HECTD2: variants seen among roughly 807,000 people sequenced by gnomAD.
HECTD2 encodes probable E3 ubiquitin-protein ligase HECTD2.
Under a neutral mutation model 103.2 loss-of-function variants are expected in HECTD2, and 35 were observed. The ratio of observed to expected loss-of-function variants is 0.34; its 90% CI spans 0.26 to 0.45. The LOEUF is 0.45. Ranked by LOEUF, HECTD2 falls within the 20% of genes least tolerant of loss-of-function variation. HECTD2 has a pLI of 1.00. For synonymous variants in HECTD2, 281 were observed against 329.9 expected, an observed-to-expected ratio of 0.85 and a Z score of 1.61; for missense variants, 596 against 937.4, an observed-to-expected ratio of 0.64 and a Z score of 4.76.
At chr10:91,470,389 C>G (rs1002141395) in intron 5 of HECTD2, among the ~76,000 whole-genome samples, 7 of 152,238 alleles carry the variant, frequency 4.6e-5, no homozygotes, top group Admixed American at 1.3e-4. Context: ...GAAATCCATA[C>G]TGAGAAAACC....
At chr10:91,480,441 T>A (rs1269795473) in intron 6 of HECTD2, among the ~76,000 whole-genome samples, 2 of 152,062 alleles carry the variant, frequency 1.3e-5, no homozygotes, top group African/African-American at 4.8e-5. Context: ...ATGAATTGCA[T>A]CTGGTTGTCA....
chr10:91,499,508 G>C (rs57988119), intron 18 of HECTD2, among the ~76,000 whole-genome samples: 30,420 of 152,092 alleles, frequency 0.2, 7,257 homozygotes, highest in African/African-American at 0.58. Context: ...ACTTCTTAAT[G>C]ATTAAGGAAC....
chr10:91,511,452 G>C (rs1233860289), intron 20 of HECTD2, among the ~76,000 whole-genome samples: 1 of 152,132 alleles, frequency 6.6e-6, no homozygotes, highest in Non-Finnish European at 1.5e-5. Flanking sequence ...GCTGCTAGAT[G>C]TTTTGTGTAT....
intron 1 of HECTD2, among the ~76,000 whole-genome samples, chr10:91,411,428 A>G (rs1038584433): frequency 1.1e-4 from 17 of 152,324 alleles, no homozygotes; most frequent in African/African-American, 3.8e-4. Flanking sequence ...GTTTGCTTTG[A>G]TATATTTAAA....
At chr10:91,480,286 G>A (rs992116600) in intron 6 of HECTD2, among the ~76,000 whole-genome samples, 11 of 152,090 alleles carry the variant, frequency 7.2e-5, no homozygotes, top group African/African-American at 2.7e-4. Flanking sequence ...AAAGCTCTAG[G>A]TAGGATAGGA....
chr10:91,507,163 A>G (rs1212132320), intron 20 of HECTD2, among the ~76,000 whole-genome samples: 3 of 151,364 alleles, frequency 2.0e-5, no homozygotes, highest in Non-Finnish European at 3.0e-5. Context: ...CCCACAGCCA[A>G]TATCATACTG....
chr10:91,498,035 A>G, intron 15 of HECTD2, 73 bp from the exon 16 acceptor site: 2 of 975,142 alleles, frequency 2.1e-6, no homozygotes, highest in Non-Finnish European at 3.3e-6. Context: ...TGCATGAGCT[A>G]TAGAAAAGCC....
At position 91,492,550 on chromosome 10, in the gene HECTD2, C is replaced by T. The variant is rs1846519640; in HGVS notation, c.1432+66C>T. The T allele has an allele frequency of 6.6e-6, 8 of 1,213,322 alleles. No homozygotes were observed. In the South Asian group the frequency reaches 1.1e-4, roughly 16 times the overall value. The allele number at this position is 1,213,322 out of a possible 1,614,324, so 75.2% of individuals were successfully genotyped here. Reference sequence around the variant, plus strand: ...TAATTGTTAGAGTGAAGTAGTCACCCTTATTTTTAACCTATTCTGTGATTT... The same window carrying T: ...TAATTGTTAGAGTGAAGTAGTCACCTTTATTTTTAACCTATTCTGTGATTT... On this transcript the variant is annotated intron_variant, in intron 13 of 20. Coordinates refer to ENST00000298068, the MANE Select transcript of HECTD2 (RefSeq NM_182765.6).
At chr10:91,507,075 C>T (rs544240466) in intron 20 of HECTD2, among the ~76,000 whole-genome samples, 25 of 152,216 alleles carry the variant, frequency 1.6e-4, no homozygotes, top group African/African-American at 3.9e-4. Flanking sequence ...AATTCAACAA[C>T]GCTTCATGCT....
chr10:91,443,603 A>G (rs1355396256), intron 2 of HECTD2, among the ~76,000 whole-genome samples: 3 of 152,282 alleles, frequency 2.0e-5, no homozygotes, highest in Admixed American at 2.0e-4. Context: ...GCAGAGCTTG[A>G]GCGCTGTGCT....
At position 91,462,109 on chromosome 10, in the gene HECTD2, C is replaced by A; in HGVS notation, c.525C>A (p.Ala175=). The change falls in exon 5 of 21, where the codon GCC becomes GCA. Residue 175 remains alanine (A), a synonymous_variant. Transcript: ENST00000298068. ...LNAAFKKDAT[A]SFNTIEDSGI... is the part of the protein sequence containing the mutation. ...TGAATTTGCAGAAAGATGCCACTGC[C>A]TCATTTAACACCATTGAAGACTCTG... The A allele has an allele frequency of 6.3e-7, 1 of 1,590,674 alleles. No homozygotes were observed. The highest frequency in any genetic ancestry group is 8.6e-7 in the Non-Finnish European group (1 of 1,162,700).
At chr10:91,497,484 G>A (rs7100786) in intron 15 of HECTD2, among the ~76,000 whole-genome samples, 3 of 111,442 alleles carry the variant, frequency 2.7e-5, no homozygotes, top group Non-Finnish European at 5.4e-5. Flanking sequence ...TTTTTTTTTG[G>A]ATTTTTAGTA....
intron 6 of HECTD2, among the ~76,000 whole-genome samples, chr10:91,480,679 C>T (rs1846059485): frequency 6.6e-6 from 1 of 152,024 alleles, no homozygotes; most frequent in Non-Finnish European, 1.5e-5. Flanking sequence ...ATTTGATTTA[C>T]AGACATTTCT....
intron 1 of HECTD2, among the ~76,000 whole-genome samples, chr10:91,421,201 A>G (rs1343838299): frequency 6.6e-6 from 1 of 151,786 alleles, no homozygotes; most frequent in African/African-American, 2.4e-5. Flanking sequence ...ATAGTTGCCC[A>G]TTTCCGTTAG....
intron 5 of HECTD2, chr10:91,462,760 AG>A: frequency 1.0e-6 from 1 of 985,704 alleles, no homozygotes; most frequent in Non-Finnish European, 1.2e-6. Flanking sequence ...TTAGCTATGA[AG>A]TGAAAGACAT....
intron 1 of HECTD2, among the ~76,000 whole-genome samples, chr10:91,419,146 G>A (rs2132996767): frequency 6.6e-6 from 1 of 152,170 alleles, no homozygotes; most frequent in Non-Finnish European, 1.5e-5. Context: ...GATCTTGTAA[G>A]GCAACTTTTG....
intron 2 of HECTD2, among the ~76,000 whole-genome samples, chr10:91,433,647 A>G (rs1281206668): frequency 6.6e-6 from 1 of 151,992 alleles, no homozygotes; most frequent in Middle Eastern, 3.2e-3. Flanking sequence ...GCCACAATGA[A>G]TGACTCTGTA....
intron 2 of HECTD2, among the ~76,000 whole-genome samples, chr10:91,452,941 A>G (rs1302186563): frequency 1.3e-5 from 2 of 152,134 alleles, no homozygotes; most frequent in African/African-American, 4.8e-5. Flanking sequence ...CTAAAAGAAT[A>G]AAGGAGTTCT....
intron 20 of HECTD2, 91 bp downstream of exon 20, chr10:91,501,425 G>C: frequency 1.4e-6 from 1 of 715,382 alleles, no homozygotes. Flanking sequence ...TGTGTACTCC[G>C]TTTGAAGTTA....
Sources: gnomAD v4.1 joint callset for allele counts (sites outside exome capture counted in the v4.1 genomes callset) on GRCh38, gnomAD v4.1.1 for gene constraint, MANE v1.5 for transcripts, NCBI Gene and HGNC (gene_info 2026-07-23, HGNC 2026-07-21) for gene names.